ENTPD7: variants seen among roughly 807,000 people sequenced by gnomAD.
ENTPD7 encodes NTPDase 7.
A neutral mutation model predicts 77.9 loss-of-function variants in ENTPD7; 53 were observed. That is an observed-to-expected ratio of 0.68 (90% CI 0.55 to 0.85). The LOEUF (loss-of-function observed/expected upper bound fraction) is 0.85, where lower values mean the gene tolerates loss of function less well. ENTPD7 is among the 40% of genes least tolerant of loss of function. ENTPD7 has a pLI of 0.00. For missense variants in ENTPD7, 636 were observed against 743.7 expected (o/e 0.86, Z 1.68); for synonymous variants, 248 against 274.9 (o/e 0.90, Z 0.97).
intron 9 of ENTPD7, among the ~76,000 whole-genome samples, chr10:99,698,277 A>G (rs918243440): frequency 3.9e-5 from 6 of 152,198 alleles, no homozygotes; most frequent in East Asian, 1.9e-4. Context: ...CACATCTCCA[A>G]TTTCACTACA....
chr10:99,673,039 T>C (rs1204367196), intron 3 of ENTPD7, among the ~76,000 whole-genome samples: 2 of 152,234 alleles, frequency 1.3e-5, no homozygotes, highest in African/African-American at 4.8e-5. Context: ...TATTTGTGGG[T>C]AACTTTCTTT....
Position 99,696,103 on chromosome 10 carries a change from G to C in ENTPD7, c.991G>C (p.Glu331Gln), listed in dbSNP as rs763886692. 5 of 1,613,210 alleles carry C rather than the reference G, an allele frequency of 3.1e-6. No individual in the cohort carries two copies. Among genetic ancestry groups the C allele is most frequent in the East Asian group, 2.2e-5 (1 of 44,882 alleles). ...RQRYEDLVLN[E>Q]TLNKNRLLGQ... Reference sequence around the variant, plus strand: ...GCGCTACGAAGACCTTGTTCTGAATGAAACTCTTAACAAAAACAGGTACAT... The same window carrying C: ...GCGCTACGAAGACCTTGTTCTGAATCAAACTCTTAACAAAAACAGGTACAT... The change falls in exon 9 of 13, where the codon GAA becomes CAA. Residue 331 changes from glutamate to glutamine, a missense_variant. This residue lies in a region of ENTPD7 where 486 missense variants were observed against 556.5 expected (regional missense o/e 0.87). Transcript: ENST00000370489.
chr10:99,678,526 A>T (rs1319259936), intron 3 of ENTPD7, among the ~76,000 whole-genome samples: 5 of 151,844 alleles, frequency 3.3e-5, no homozygotes, highest in African/African-American at 1.2e-4. Context: ...TGTAGAAAAG[A>T]ATAATTATTG....
intron 8 of ENTPD7, among the ~76,000 whole-genome samples, chr10:99,693,689 G>C (rs538390870): frequency 6.6e-6 from 1 of 152,300 alleles, no homozygotes; most frequent in South Asian, 2.1e-4. Context: ...AAGCCAAGGC[G>C]GGTGGATCAC....
rs2133428993 is a variant in ENTPD7 at position 99,659,811 on chromosome 10, G to A, written c.-95-51G>A. On this transcript the variant is annotated intron_variant, in intron 1 of 12. Coordinates refer to ENST00000370489, the MANE Select transcript of ENTPD7 (RefSeq NM_020354.5). The surrounding 1 kb of genome is among the most constrained non-coding windows in gnomAD (Gnocchi z 4.1). ...TGGGAGCCGTGGAATTCCCGTGCAGGTTTGTCTCGTGGGCTCAGTCGGACA... is the reference window on the plus strand; with the variant it reads ...TGGGAGCCGTGGAATTCCCGTGCAGATTTGTCTCGTGGGCTCAGTCGGACA... The A allele has an allele frequency of 9.0e-7, 1 of 1,113,282 alleles. No homozygotes were observed. Among genetic ancestry groups the A allele is most frequent in the East Asian group, 2.6e-5 (1 of 38,106 alleles). 69.0% of individuals were successfully genotyped at this position (1,113,282 alleles called of 1,614,324 possible). A position where few individuals can be genotyped will look rare whatever the true frequency, so the allele number is the denominator to read the frequency against.
intron 5 of ENTPD7, among the ~76,000 whole-genome samples, chr10:99,684,644 C>T (rs919171648): frequency 6.6e-6 from 1 of 152,196 alleles, no homozygotes; most frequent in Non-Finnish European, 1.5e-5. Flanking sequence ...GTACTGACAA[C>T]TGTCTGAGCC....
intron 5 of ENTPD7, among the ~76,000 whole-genome samples, chr10:99,681,180 G>C (rs2035748284): frequency 6.6e-6 from 1 of 152,154 alleles, no homozygotes; most frequent in Non-Finnish European, 1.5e-5. Flanking sequence ...AGTGAACATG[G>C]GAGGGCTCAT....
Position 99,705,089 on chromosome 10 carries a change from G to C in ENTPD7, c.*406G>C, listed in dbSNP as rs551903380. On this transcript the variant is annotated 3_prime_UTR_variant, in exon 13 of 13. Coordinates refer to ENST00000370489, the MANE Select transcript of ENTPD7 (RefSeq NM_020354.5). Reference sequence around the variant, plus strand: ...CTGATACAAAGCCAGAGACATTCTAGCAAGTGCAGCAGCCCCTTCTTTCTC... The same window carrying C: ...CTGATACAAAGCCAGAGACATTCTACCAAGTGCAGCAGCCCCTTCTTTCTC... 1.0e-5 allele frequency: 2 copies of C among 199,598 alleles called. No individual in the cohort carries two copies. The highest frequency in any genetic ancestry group is 2.0e-4 in the South Asian group (2 of 10,194). The allele number at this position is 199,598 out of a possible 1,614,324, so 12.4% of individuals were successfully genotyped here.
intron 11 of ENTPD7, among the ~76,000 whole-genome samples, chr10:99,701,557 G>A (rs1292494017): frequency 6.6e-6 from 1 of 151,452 alleles, no homozygotes; most frequent in African/African-American, 2.4e-5. Flanking sequence ...CAGAGTGCTA[G>A]GATTACAGGT....
intron 8 of ENTPD7, among the ~76,000 whole-genome samples, chr10:99,692,409 T>C (rs2035896952): frequency 6.6e-6 from 1 of 152,170 alleles, no homozygotes; most frequent in Non-Finnish European, 1.5e-5. Flanking sequence ...GAACATCTGG[T>C]TTAAACAGAG....
At chr10:99,686,248 T>A (rs1200234308) in intron 6 of ENTPD7, among the ~76,000 whole-genome samples, 1 of 152,178 alleles carries the variant, frequency 6.6e-6, no homozygotes, top group Non-Finnish European at 1.5e-5. Context: ...AAGTCAAATG[T>A]AAGGTAAATT....
Position 99,711,101 on chromosome 10 carries a change from C to CAA in ENTPD7, c.*6425_*6426dup, listed in dbSNP as rs11405417. On this transcript the variant is annotated 3_prime_UTR_variant, in exon 13 of 13. Transcript: ENST00000370489. ...GGGAGTGCTGGGAATAACATAAATA[C>CAA]AAAAAAAACCCTAAGATAATCATTC... The CAA allele has an allele frequency of 0.014, 14,069 of 974,650 alleles. 98 individuals carry two copies. The highest frequency in any genetic ancestry group is 0.016 in the Non-Finnish European group (12,964 of 820,530). The allele number at this position is 974,650 out of a possible 1,614,324, so 60.4% of individuals were successfully genotyped here. A position where few individuals can be genotyped will look rare whatever the true frequency, so the allele number is the denominator to read the frequency against.
chr10:99,694,494 G>A (rs938373898), intron 8 of ENTPD7, among the ~76,000 whole-genome samples: 1 of 150,238 alleles, frequency 6.7e-6, no homozygotes, highest in Non-Finnish European at 1.5e-5. Context: ...CAGTGCTGCT[G>A]TGAACATTCA....
At chr10:99,692,530 CT>C (rs3047437) in intron 8 of ENTPD7, among the ~76,000 whole-genome samples, 23 of 145,930 alleles carry the variant, frequency 1.6e-4, no homozygotes, top group Non-Finnish European at 1.0e-4. Flanking sequence ...TGAGAGTAGG[CT>C]TTTTTTTTTT....
Position 99,679,880 on chromosome 10 carries a change from G to GA in ENTPD7, c.548+6dup, listed in dbSNP as rs777159747. The GA allele has an allele frequency of 1.2e-6, 2 of 1,609,728 alleles. No individual in the cohort carries two copies. Among genetic ancestry groups the GA allele is most frequent in the Non-Finnish European group, 1.7e-6 (2 of 1,178,664 alleles). ...CATGAGGCTTCTCCCTGAGAGGTGA[G>GA]ATGCAGGGTACAGGAAACACAGGAA... On this transcript the variant is annotated splice_donor_region_variant and intron_variant, in intron 5 of 12. Transcript: ENST00000370489.
rs1179199132 is a variant in ENTPD7 at position 99,661,873 on chromosome 10, A to T, written c.191+245A>T. On this transcript the variant is annotated intron_variant, in intron 3 of 12. Transcript: ENST00000370489. ...TGGTGGGCTGAAACTTATTGTGTGT[A>T]TAAATGTTTAGGACTGTATTATACC... Among the ~76,000 whole-genome samples, 3 of 152,244 alleles carry T rather than the reference A, an allele frequency of 2.0e-5. No homozygotes were observed. The East Asian group carries it at 5.8e-4, about 29-fold the overall frequency.
At chr10:99,700,580 ATT>A (rs2036100139) in intron 10 of ENTPD7, among the ~76,000 whole-genome samples, 2 of 152,170 alleles carry the variant, frequency 1.3e-5, no homozygotes, top group Non-Finnish European at 2.9e-5. Flanking sequence ...AAAAGGAATG[ATT>A]ATTTTGGTGA....
intron 3 of ENTPD7, among the ~76,000 whole-genome samples, chr10:99,670,567 A>T (rs1330255764): frequency 6.6e-6 from 1 of 152,204 alleles, no homozygotes; most frequent in African/African-American, 2.4e-5. Context: ...ACAGCCTACT[A>T]CACACTGAGG....
At chr10:99,681,954 G>A (rs1433011016) in intron 5 of ENTPD7, among the ~76,000 whole-genome samples, 4 of 152,022 alleles carry the variant, frequency 2.6e-5, no homozygotes, top group African/African-American at 7.2e-5. Context: ...GGTATAGTTC[G>A]CAAATATTTT....
Sources: gnomAD v4.1 joint callset for allele counts (sites outside exome capture counted in the v4.1 genomes callset) on GRCh38, gnomAD v4.1.1 for gene constraint, gnomAD v4.1.1 regional missense constraint, Gnocchi (gnomAD v3.1) non-coding constraint, MANE v1.5 for transcripts, NCBI Gene and HGNC (gene_info 2026-07-23, HGNC 2026-07-21) for gene names.